Variants in TAFA2 observed in about 807,000 individuals in gnomAD.
TAFA2 encodes the protein TAFA chemokine like family member 2.
TAFA2 carries 7 observed loss-of-function variants against 18.8 expected under a neutral mutation model. That is an observed-to-expected ratio of 0.37 (90% CI 0.21 to 0.70). The LOEUF (loss-of-function observed/expected upper bound fraction) is 0.70. Among genes scored for constraint, TAFA2 ranks in the 30% least tolerant of loss-of-function variants. The probability of loss-of-function intolerance (pLI) is 0.53; values close to 1 mark genes in which losing one functional copy is unlikely to be tolerated. For missense variants in TAFA2, 122 were observed against 158.1 expected, an observed-to-expected ratio of 0.77 and a Z score of 1.23; for synonymous variants, 60 against 54.2, an observed-to-expected ratio of 1.11 and a Z score of -0.47.
intron 1 of TAFA2, among the ~76,000 whole-genome samples, chr12:62,181,990 T>TCCCCCCCC (rs71893210): frequency 3.6e-5 from 5 of 138,484 alleles, no homozygotes; most frequent in Admixed American, 7.2e-5. Context: ...CTCAAGTCCA[T>TCCCCCCCC]CCCCCCCCCG....
intron 1 of TAFA2, among the ~76,000 whole-genome samples, chr12:62,224,280 G>A (rs1246522562): frequency 6.6e-6 from 1 of 152,132 alleles, no homozygotes; most frequent in African/African-American, 2.4e-5. Flanking sequence ...ATGTCTTGGT[G>A]TATTTAGGCT....
rs1028087965 is a variant in TAFA2, at chr12:62,211,723, T to C, written c.-130+47040A>G. Among the ~76,000 whole-genome samples the C allele has an allele frequency of 2.6e-5, 4 of 152,302 alleles. No individual in the cohort carries two copies. The East Asian group carries it at 5.8e-4, about 22-fold the overall frequency. On this transcript the variant is annotated intron_variant, in intron 1 of 5. Coordinates refer to the TAFA2 transcript ENST00000551619. ...AGTCAACCGCTATTGTGAAATCCTA[T>C]CTTTTTAGGGTGTCTGCCCAAGCAC...
At chr12:62,067,589 A>G (rs1882523182) in intron 1 of TAFA2, among the ~76,000 whole-genome samples, 1 of 151,956 alleles carries the variant, frequency 6.6e-6, no homozygotes. Flanking sequence ...TCCAATGTAT[A>G]TTCTTGGCAC....
intron 1 of TAFA2, among the ~76,000 whole-genome samples, chr12:62,095,779 A>G (rs181988008): frequency 8.5e-5 from 13 of 152,228 alleles, no homozygotes; most frequent in African/African-American, 1.4e-4. Flanking sequence ...TCTGGCTTCA[A>G]TCATACAAAG....
chr12:61,890,564 C>T (rs1263762205), intron 1 of TAFA2: 1 of 152,226 alleles, frequency 6.6e-6, no homozygotes, highest in Admixed American at 6.5e-5. Flanking sequence ...TTGTGCAAAG[C>T]ATTTCCTATA....
At chr12:61,900,533 G>A (rs1056845676) in intron 1 of TAFA2, among the ~76,000 whole-genome samples, 8 of 152,178 alleles carry the variant, frequency 5.3e-5, no homozygotes, top group Non-Finnish European at 1.0e-4. Context: ...CAAACATACT[G>A]GAGGGGAAAG....
At chr12:61,964,879 CT>C (rs529798481) in intron 1 of TAFA2, among the ~76,000 whole-genome samples, 3 of 151,806 alleles carry the variant, frequency 2.0e-5, no homozygotes, top group Non-Finnish European at 4.4e-5. Context: ...CCCCCAATAA[CT>C]TTTTTTAATG....
At chr12:61,721,853 G>A (rs1213376767) in intron 4 of TAFA2, among the ~76,000 whole-genome samples, 1 of 152,070 alleles carries the variant, frequency 6.6e-6, no homozygotes, top group Non-Finnish European at 1.5e-5. Context: ...TACTCTGGAG[G>A]CTGGGGCAGG....
intron 2 of TAFA2, among the ~76,000 whole-genome samples, chr12:61,821,128 TACACACACACACAC>T (rs3034059): frequency 3.4e-5 from 5 of 146,474 alleles, no homozygotes; most frequent in Non-Finnish European, 6.0e-5. Context: ...TTGATAGGGG[TACACACACACACAC>T]ACACACACAC....
chr12:61,926,932 G>A (rs564082795), intron 1 of TAFA2, among the ~76,000 whole-genome samples: 1 of 151,902 alleles, frequency 6.6e-6, no homozygotes, highest in South Asian at 2.1e-4. Context: ...AAAATTAGCT[G>A]GGCATGGTGG....
chr12:61,983,428 G>GA lies in TAFA2; in HGVS notation c.-1-116003_-1-116002insT, dbSNP rs1879709299. Among the ~76,000 whole-genome samples the GA allele has an allele frequency of 9.0e-5, 10 of 110,624 alleles. 1 individual carries two copies. In the South Asian group the frequency reaches 2.9e-3, roughly 32 times the overall value. 72.6% of individuals were successfully genotyped at this position (110,624 alleles called of 152,430 possible). On this transcript the variant is annotated intron_variant, in intron 1 of 4. Transcript: ENST00000416284. ...TTTTGTTTTGTTTTGTTTTGTTTTG[G>GA]GACAGAGTCTCAATCTGTAGCCAGG...
chr12:62,242,021 A>C (rs1390397173), intron 1 of TAFA2, among the ~76,000 whole-genome samples: 2 of 152,242 alleles, frequency 1.3e-5, no homozygotes, highest in African/African-American at 4.8e-5. Context: ...TCCTCTCTTT[A>C]ACTTCAGAGA....
At chr12:62,253,604 T>C (rs1212137630) in intron 1 of TAFA2, 1 of 152,220 alleles carries the variant, frequency 6.6e-6, no homozygotes, top group African/African-American at 2.4e-5. Flanking sequence ...CCTTGGCTCA[T>C]GGCCCCTTTA....
intron 1 of TAFA2, among the ~76,000 whole-genome samples, chr12:62,183,282 A>T (rs1469881319): frequency 6.6e-6 from 1 of 152,196 alleles, no homozygotes; most frequent in African/African-American, 2.4e-5. Context: ...GACCTTCACC[A>T]GACAAATCTG....
At chr12:61,944,322 T>C (rs2121431139) in intron 1 of TAFA2, among the ~76,000 whole-genome samples, 1 of 151,174 alleles carries the variant, frequency 6.6e-6, no homozygotes, top group African/African-American at 2.5e-5. Flanking sequence ...GAGGGAAATT[T>C]ATAGCACTAA....
chr12:62,036,011 A>T (rs1195411830), intron 1 of TAFA2, among the ~76,000 whole-genome samples: 1 of 151,846 alleles, frequency 6.6e-6, no homozygotes, highest in Non-Finnish European at 1.5e-5. Flanking sequence ...AAGTGCTGGG[A>T]TTACAGGCGT....
chr12:62,093,628 A>G (rs2136838253), intron 1 of TAFA2, among the ~76,000 whole-genome samples: 1 of 152,146 alleles, frequency 6.6e-6, no homozygotes, highest in African/African-American at 2.4e-5. Flanking sequence ...TCACAGTGAT[A>G]ACCTTGCAAA....
chr12:61,943,370 C>G (rs1010522926), intron 1 of TAFA2, among the ~76,000 whole-genome samples: 27 of 151,372 alleles, frequency 1.8e-4, no homozygotes, highest in Admixed American at 7.9e-4. Flanking sequence ...TAAAGATCAT[C>G]GAGACTAGGA....
chr12:62,050,535 G>C (rs1882025207), intron 1 of TAFA2, among the ~76,000 whole-genome samples: 1 of 151,354 alleles, frequency 6.6e-6, no homozygotes, highest in Non-Finnish European at 1.5e-5. Flanking sequence ...TAGTGCCACT[G>C]CACTCCAGCC....
Sources: gnomAD v4.1 joint callset for allele counts (sites outside exome capture counted in the v4.1 genomes callset) on GRCh38, gnomAD v4.1.1 for gene constraint, MANE v1.5 for transcripts, NCBI Gene and HGNC (gene_info 2026-07-23, HGNC 2026-07-21) for gene names.